The following CDH17 variants were observed in gnomAD, a reference collection of about 807,000 sequenced individuals.
The protein encoded by CDH17 is cadherin 17, also known as cadherin-17.
Under a neutral mutation model 86.3 loss-of-function variants are expected in CDH17, and 67 were observed. The ratio of observed to expected loss-of-function variants is 0.78; its 90% CI spans 0.64 to 0.95. CDH17 has a LOEUF of 0.95. Among genes scored for constraint, CDH17 ranks in the 40% least tolerant of loss-of-function variants. The pLI is 0.00. For synonymous variants in CDH17, 367 were observed against 366.4 expected (o/e 1.00, Z -0.02); for missense variants, 993 against 1,017.6 (o/e 0.98, Z 0.33).
intron 3 of CDH17, among the ~76,000 whole-genome samples, chr8:94,187,567 T>C (rs903790996): frequency 1.3e-5 from 2 of 152,106 alleles, no homozygotes; most frequent in African/African-American, 2.4e-5. Flanking sequence ...CTTTCCTCCT[T>C]TAGTTTGTAG....
intron 1 of CDH17, among the ~76,000 whole-genome samples, chr8:94,199,038 GATATATAT>G (rs869128612): frequency 0.017 from 1,250 of 72,862 alleles, 11 homozygotes; most frequent in East Asian, 0.053. Context: ...AGTTCTGATT[GATATATAT>G]ATATATATAT....
At chr8:94,149,796 A>C (rs566456150) in intron 13 of CDH17, among the ~76,000 whole-genome samples, 3 of 152,324 alleles carry the variant, frequency 2.0e-5, no homozygotes, top group African/African-American at 7.2e-5. Context: ...CTTTCAACGG[A>C]GCTCATTGGT....
chr8:94,205,782 T>C (rs901934855), intron 1 of CDH17, among the ~76,000 whole-genome samples: 11 of 152,178 alleles, frequency 7.2e-5, no homozygotes, highest in African/African-American at 2.7e-4. Flanking sequence ...GACAACTTAC[T>C]TGAACAACAC....
At chr8:94,133,753 C>G (rs978540201) in intron 15 of CDH17, among the ~76,000 whole-genome samples, 1 of 152,144 alleles carries the variant, frequency 6.6e-6, no homozygotes, top group Non-Finnish European at 1.5e-5. Flanking sequence ...AAAGAGAAGA[C>G]TTCCAGTTTT....
At chr8:94,135,508 G>A (rs1812505902) in intron 15 of CDH17, among the ~76,000 whole-genome samples, 2 of 152,090 alleles carry the variant, frequency 1.3e-5, no homozygotes, top group Non-Finnish European at 2.9e-5. Context: ...CCATTTGCTT[G>A]GTAGATCTTC....
intron 15 of CDH17, among the ~76,000 whole-genome samples, chr8:94,142,322 T>C (rs1812654190): frequency 6.6e-6 from 1 of 152,200 alleles, no homozygotes; most frequent in Non-Finnish European, 1.5e-5. Flanking sequence ...AATAGCATTA[T>C]ACCTAAAAAT....
chr8:94,182,715 A>G (rs1471991237), intron 3 of CDH17, among the ~76,000 whole-genome samples: 1 of 152,134 alleles, frequency 6.6e-6, no homozygotes, highest in Non-Finnish European at 1.5e-5. Context: ...AGACAAGGAT[A>G]CTCAATCTTG....
intron 2 of CDH17, among the ~76,000 whole-genome samples, chr8:94,193,939 T>TA (rs5893268): frequency 0.038 from 5,610 of 146,778 alleles, 115 homozygotes; most frequent in Middle Eastern, 0.056. Context: ...CTTCCTTCTT[T>TA]AAAAAAAAAA....
At position 94,130,665 on chromosome 8, in the gene CDH17, T is replaced by A; in HGVS notation, c.2359A>T (p.Met787Leu). The A allele has an allele frequency of 6.2e-7, 1 of 1,613,818 alleles. No individual in the cohort carries two copies. Among genetic ancestry groups the A allele is most frequent in the East Asian group, 2.2e-5 (1 of 44,880 alleles). The change falls in exon 17 of 18, where the codon ATG (methionine) becomes TTG (leucine). Residue 787 changes from methionine (M) to leucine (L), a missense_variant. Transcript: ENST00000027335. ...GHQTGIPTVG[M>L]AVGILLTTLL... ...GTGGTCAGCAGTATACCAACTGCCA[T>A]GCCCACAGTGGGTATCCCAGTCTGG...
intron 15 of CDH17, among the ~76,000 whole-genome samples, chr8:94,140,729 A>G (rs1050046074): frequency 1.5e-4 from 23 of 152,300 alleles, no homozygotes; most frequent in South Asian, 8.3e-4. Context: ...TGATATCACT[A>G]CATATTCTAC....
At chr8:94,142,036 GATTT>G (rs1246127937) in intron 15 of CDH17, among the ~76,000 whole-genome samples, 1 of 152,154 alleles carries the variant, frequency 6.6e-6, no homozygotes, top group African/African-American at 2.4e-5. Flanking sequence ...TTCAGAAATA[GATTT>G]ATGTATAGGT....
At chr8:94,176,477 G>C in intron 5 of CDH17, 64 bp downstream of exon 5, 1 of 1,563,992 alleles carries the variant, frequency 6.4e-7, no homozygotes, top group Non-Finnish European at 8.8e-7. Flanking sequence ...AGCCACACAA[G>C]TCTGCCCCTT....
intron 2 of CDH17, among the ~76,000 whole-genome samples, chr8:94,191,152 G>T (rs1352116108): frequency 1.6e-5 from 2 of 126,724 alleles, no homozygotes; most frequent in Non-Finnish European, 1.9e-5. Context: ...CCATATTCCT[G>T]ATTTTAAAAA....
intron 11 of CDH17, 85 bp from the exon 12 acceptor site, chr8:94,160,247 T>C: frequency 1.9e-6 from 2 of 1,026,966 alleles, no homozygotes; most frequent in South Asian, 1.7e-5. Context: ...GGTTTCAGAA[T>C]AGACACAAGT....
upstream of CDH17, among the ~76,000 whole-genome samples, chr8:94,211,020 C>CAAAA (rs59090058): frequency 1.1e-5 from 1 of 91,904 alleles, no homozygotes; most frequent in African/African-American, 3.4e-5. Context: ...GACTGCATCT[C>CAAAA]AAAAAAAAAA....
At chr8:94,128,717 C>A (rs1812351358) in intron 17 of CDH17, among the ~76,000 whole-genome samples, 1 of 152,162 alleles carries the variant, frequency 6.6e-6, no homozygotes, top group African/African-American at 2.4e-5. Context: ...TGATTCTATT[C>A]TTCCCCTTTC....
chr8:94,158,142 T>C (rs1437137323), intron 12 of CDH17, among the ~76,000 whole-genome samples: 1 of 152,184 alleles, frequency 6.6e-6, no homozygotes, highest in Non-Finnish European at 1.5e-5. Flanking sequence ...CACTTATGTG[T>C]CTGCTTGTTC....
chr8:94,185,558 A>G (rs1254467337), intron 3 of CDH17, among the ~76,000 whole-genome samples: 1 of 152,212 alleles, frequency 6.6e-6, no homozygotes, highest in Non-Finnish European at 1.5e-5. Flanking sequence ...GCATCTATGT[A>G]CAATCCTGAT....
chr8:94,138,077 T>G (rs553556488), intron 15 of CDH17, among the ~76,000 whole-genome samples: 1 of 152,228 alleles, frequency 6.6e-6, no homozygotes, highest in South Asian at 2.1e-4. Context: ...ACCACCTTTT[T>G]TAAAATAGAA....
Sources: allele counts gnomAD v4.1 joint callset (sites outside exome capture counted in the v4.1 genomes callset), GRCh38; gene constraint gnomAD v4.1.1; transcripts MANE v1.5; gene names NCBI Gene and HGNC (gene_info 2026-07-23, HGNC 2026-07-21).